PCDHA12: variants seen among roughly 807,000 people sequenced by gnomAD.
PCDHA12 encodes protocadherin alpha 12.
PCDHA12 carries 44 observed loss-of-function variants against 60.0 expected under a neutral mutation model. The ratio of observed to expected loss-of-function variants is 0.73; its 90% CI spans 0.58 to 0.94. PCDHA12 has a LOEUF of 0.94. Ranked by LOEUF, PCDHA12 falls within the 40% of genes least tolerant of loss-of-function variation. The pLI, the probability that PCDHA12 is intolerant of heterozygous loss-of-function variation, is 0.00. For synonymous variants in PCDHA12, 569 were observed against 553.0 expected, an observed-to-expected ratio of 1.03 and a Z score of -0.40; for missense variants, 1,276 against 1,239.7, an observed-to-expected ratio of 1.03 and a Z score of -0.44.
intron 1 of PCDHA12, among the ~76,000 whole-genome samples, chr5:140,915,331 T>G (rs1485344164): frequency 6.6e-6 from 1 of 152,184 alleles, no homozygotes; most frequent in Non-Finnish European, 1.5e-5. Context: ...TGTTATAATA[T>G]TCTGTGTTTT....
At chr5:140,879,939 T>C (rs1554171083) in intron 1 of PCDHA12, among the ~76,000 whole-genome samples, 1 of 152,194 alleles carries the variant, frequency 6.6e-6, no homozygotes. Flanking sequence ...TGTGATTGTA[T>C]TTAGGGCCCA....
intron 3 of PCDHA12, among the ~76,000 whole-genome samples, chr5:141,008,000 TA>T (rs2098355741): frequency 6.6e-6 from 1 of 152,264 alleles, no homozygotes; most frequent in Non-Finnish European, 1.5e-5. Context: ...TACATGTTAA[TA>T]AACTTCTGTT....
chr5:140,953,992 G>A (rs1210096728), intron 1 of PCDHA12, among the ~76,000 whole-genome samples: 3 of 152,034 alleles, frequency 2.0e-5, no homozygotes, highest in Non-Finnish European at 2.9e-5. Context: ...ATTTTCATGT[G>A]TACTCATCAT....
At chr5:140,913,997 A>G (rs2076553878) in intron 1 of PCDHA12, among the ~76,000 whole-genome samples, 1 of 152,170 alleles carries the variant, frequency 6.6e-6, no homozygotes, top group Admixed American at 6.5e-5. Flanking sequence ...TGACTAGCAT[A>G]TGGTCTATCT....
intron 1 of PCDHA12, chr5:140,929,725 A>G (rs1415397730): frequency 9.2e-6 from 2 of 218,138 alleles, no homozygotes; most frequent in Admixed American, 1.2e-4. Flanking sequence ...TGAAACATTT[A>G]CTTAAACTAT....
chr5:140,991,719 A>T (rs1451245400), intron 3 of PCDHA12, among the ~76,000 whole-genome samples: 1 of 152,194 alleles, frequency 6.6e-6, no homozygotes, highest in African/African-American at 2.4e-5. Flanking sequence ...TGCTACTAGC[A>T]GCCTGTTCAA....
chr5:140,884,346 T>G (rs1487079029), intron 1 of PCDHA12: 1 of 1,613,896 alleles, frequency 6.2e-7, no homozygotes, highest in Non-Finnish European at 8.5e-7. Flanking sequence ...GAAGCGGCGC[T>G]GGTGGATGTC....
intron 1 of PCDHA12, among the ~76,000 whole-genome samples, chr5:140,947,807 G>T (rs542859945): frequency 3.6e-4 from 55 of 151,694 alleles, no homozygotes; most frequent in Non-Finnish European, 7.1e-4. Context: ...AATTTGCAGA[G>T]ACTATTTCTT....
intron 1 of PCDHA12, among the ~76,000 whole-genome samples, chr5:140,936,016 C>T (rs1170221921): frequency 6.6e-6 from 1 of 151,732 alleles, no homozygotes; most frequent in Non-Finnish European, 1.5e-5. Context: ...CCTCAGCCTC[C>T]CGAGTAGCGG....
intron 1 of PCDHA12, among the ~76,000 whole-genome samples, chr5:140,954,835 A>G (rs1256515583): frequency 1.3e-5 from 2 of 152,146 alleles, no homozygotes; most frequent in Admixed American, 6.5e-5. Flanking sequence ...TTTTGTCATG[A>G]AATCTTTGCC....
rs782458785 is a variant in PCDHA12 at position 140,877,039 on chromosome 5, C to A, written c.1567C>A (p.Leu523Ile). The A allele has an allele frequency of 6.2e-7, 1 of 1,612,458 alleles. No homozygotes were observed. The highest frequency in any genetic ancestry group is 1.3e-5 in the African/African-American group (1 of 74,894). ...ESGKVYALQP[L>I]DHEELELLQF... ...CGGCAAGGTGTACGCGCTGCAGCCG[C>A]TAGACCACGAGGAGCTGGAGCTGCT... The change falls in exon 1 of 4, where the codon CTA becomes ATA. Residue 523 changes from leucine to isoleucine, a missense_variant. Physicochemically the swap from Leu to Ile is conservative, Grantham distance 5 (BLOSUM62 2). Coordinates refer to ENST00000398631, the MANE Select transcript of PCDHA12 (RefSeq NM_018903.4).
At chr5:140,926,982 G>A (rs1554203886) in intron 1 of PCDHA12, 1 of 1,610,398 alleles carries the variant, frequency 6.2e-7, no homozygotes, top group East Asian at 2.2e-5. Flanking sequence ...CGGAGGAGAC[G>A]GAGCGGGGCG....
At chr5:140,989,582 G>A (rs1554250917) in intron 3 of PCDHA12, among the ~76,000 whole-genome samples, 1 of 152,200 alleles carries the variant, frequency 6.6e-6, no homozygotes, top group Non-Finnish European at 1.5e-5. Flanking sequence ...CCTGTCCTCA[G>A]CCTCACTGAC....
Position 140,876,870 on chromosome 5 carries a change from G to A in PCDHA12, c.1398G>A (p.Glu466=), listed in dbSNP as rs1278762768. Residue 466 remains glutamate, a synonymous_variant, in exon 1 of 4, where the codon GAG becomes GAA. Transcript: ENST00000398631. ...AQPEYTVFVK[E]NNPPGCHIFT... Reference sequence around the variant, plus strand: ...CCGAGTACACAGTGTTCGTGAAGGAGAACAACCCGCCGGGCTGCCACATCT... The same window carrying A: ...CCGAGTACACAGTGTTCGTGAAGGAAAACAACCCGCCGGGCTGCCACATCT... 1.2e-6 allele frequency: 2 copies of A among 1,614,000 alleles called. No individual in the cohort carries two copies. Among genetic ancestry groups the A allele is most frequent in the Non-Finnish European group, 1.7e-6 (2 of 1,180,006 alleles).
At chr5:140,889,242 TTC>T (rs1195440878) in intron 1 of PCDHA12, among the ~76,000 whole-genome samples, 1 of 151,892 alleles carries the variant, frequency 6.6e-6, no homozygotes, top group African/African-American at 2.4e-5. Flanking sequence ...CCAGAAAATT[TTC>T]TGTTTCCTGT....
intron 1 of PCDHA12, among the ~76,000 whole-genome samples, chr5:140,950,426 AC>A (rs386419652): frequency 1.3e-5 from 2 of 151,870 alleles, no homozygotes; most frequent in Admixed American, 6.6e-5. Flanking sequence ...ATTTTCTTCC[AC>A]TTAAAAAAAA....
chr5:140,878,125 A>T (rs1286133298), intron 1 of PCDHA12: 1 of 214,326 alleles, frequency 4.7e-6, no homozygotes, highest in Non-Finnish European at 9.0e-6. Flanking sequence ...ATATTAGATT[A>T]AAAAGTGGCC....
chr5:140,965,193 A>G (rs1232668450), intron 1 of PCDHA12, among the ~76,000 whole-genome samples: 1 of 152,252 alleles, frequency 6.6e-6, no homozygotes, highest in East Asian at 1.9e-4. Flanking sequence ...CACATGAGGC[A>G]ATAGATTTCA....
At chr5:140,967,976 C>G in intron 1 of PCDHA12, 14 of 1,614,222 alleles carry the variant, frequency 8.7e-6, no homozygotes, top group Non-Finnish European at 1.2e-5. Context: ...GAGCCTGGGT[C>G]TGGAGGCCAC....
Sources: gnomAD v4.1 joint callset for allele counts (sites outside exome capture counted in the v4.1 genomes callset) on GRCh38, gnomAD v4.1.1 for gene constraint, MANE v1.5 for transcripts, NCBI Gene and HGNC (gene_info 2026-07-23, HGNC 2026-07-21) for gene names.